Variants in UBR3 observed in about 807,000 individuals in gnomAD.
UBR3 encodes E3 ubiquitin-protein ligase UBR3.
A neutral mutation model predicts 243.2 loss-of-function variants in UBR3; 85 were observed. The ratio of observed to expected loss-of-function variants is 0.35; its 90% confidence interval spans 0.29 to 0.42. The LOEUF is 0.42. Among genes scored for constraint, UBR3 ranks in the 10% least tolerant of loss-of-function variants. UBR3 has a pLI of 1.00. For synonymous variants in UBR3, 748 were observed against 799.8 expected, an observed-to-expected ratio of 0.94 and a Z score of 1.09; for missense variants, 1,686 against 2,300.8, an observed-to-expected ratio of 0.73 and a Z score of 5.47.
chr2:170,001,147 ACTAT>A (rs1412048270), intron 26 of UBR3, among the ~76,000 whole-genome samples, 153 bp from the exon 27 acceptor site: 1 of 152,228 alleles, frequency 6.6e-6, no homozygotes, highest in Non-Finnish European at 1.5e-5. Flanking sequence ...GTGCCTGAAG[ACTAT>A]CTAGTCAGGC....
chr2:170,005,087 T>G (rs1211656163), intron 27 of UBR3, among the ~76,000 whole-genome samples: 4 of 145,706 alleles, frequency 2.7e-5, no homozygotes, highest in Admixed American at 2.1e-4. Flanking sequence ...AGCCGGGCGC[T>G]GTGGCGGGTG....
Position 170,007,671 on chromosome 2 carries a change from C to A in UBR3, c.4230+481C>A, listed in dbSNP as rs573614069. ...TTAAGGTCAGGAGTTTGAAACCAGC[C>A]TGACCAACATGGCAAAACCGCATCT... On this transcript the variant is annotated intron_variant, in intron 28 of 38. Transcript: ENST00000272793. 4.6e-5 allele frequency among the ~76,000 whole-genome samples: 7 copies of A among 152,266 alleles called. No homozygotes were observed. The South Asian group carries it at 1.5e-3, about 32-fold the overall frequency.
chr2:170,015,781 A>C (rs57654694), intron 30 of UBR3, among the ~76,000 whole-genome samples: 14,435 of 151,936 alleles, frequency 0.095, 833 homozygotes, highest in African/African-American at 0.16. Context: ...GTATATTAAA[A>C]TGTATTGAAA....
At chr2:169,856,384 G>A (rs904764497) in intron 1 of UBR3, among the ~76,000 whole-genome samples, 7 of 151,252 alleles carry the variant, frequency 4.6e-5, no homozygotes, top group Non-Finnish European at 1.0e-4. Flanking sequence ...TCACATCCCA[G>A]ACGATGGGCG....
intron 1 of UBR3, among the ~76,000 whole-genome samples, chr2:169,866,299 CT>C (rs2083262436): frequency 6.9e-6 from 1 of 145,204 alleles, no homozygotes; most frequent in Middle Eastern, 3.6e-3. Context: ...GGAAATACAG[CT>C]TTTAAAAAGT....
intron 5 of UBR3, among the ~76,000 whole-genome samples, chr2:169,882,000 T>G (rs1452929159): frequency 8.0e-6 from 1 of 125,266 alleles, no homozygotes; most frequent in Non-Finnish European, 1.6e-5. Flanking sequence ...TGTATATTTA[T>G]ATAATATATA....
At chr2:169,950,263 T>C (rs1450243589) in intron 23 of UBR3, among the ~76,000 whole-genome samples, 198 bp downstream of exon 23, 1 of 152,114 alleles carries the variant, frequency 6.6e-6, no homozygotes, top group Non-Finnish European at 1.5e-5. Flanking sequence ...CAGGTGAGAC[T>C]TTCTGACCCC....
chr2:169,867,729 C>T (rs930279412), intron 1 of UBR3, among the ~76,000 whole-genome samples: 2 of 152,164 alleles, frequency 1.3e-5, no homozygotes, highest in Non-Finnish European at 2.9e-5. Context: ...TGAAAATTTC[C>T]AAACACATGC....
In UBR3 at chr2:169,946,302, T is replaced by C; in HGVS notation, c.2820T>C (p.His940=). Residue 940 remains histidine, a synonymous_variant, in exon 21 of 39, where the codon CAT becomes CAC. Coordinates refer to ENST00000272793, the MANE Select transcript of UBR3 (RefSeq NM_172070.4). The stretch of plus-strand genomic sequence containing the variant: ...CCTTTTTAAAGATTTTGATGGATCA[T>C]CAAAATCTGTCAGAACATGTACTCT... The part of the protein sequence containing the change: ...FTLLYKILMD[H]QNLSEHVLCM... 6.7e-7 allele frequency: 1 copy of C among 1,493,116 alleles called. No individual in the cohort carries two copies. Among genetic ancestry groups the C allele is most frequent in the Non-Finnish European group, 8.9e-7 (1 of 1,122,124 alleles). 92.5% of individuals were successfully genotyped at this position (1,493,116 alleles called of 1,614,324 possible).
At chr2:169,876,618 C>T (rs1440257303) in intron 3 of UBR3, among the ~76,000 whole-genome samples, 3 of 151,454 alleles carry the variant, frequency 2.0e-5, no homozygotes, top group Non-Finnish European at 2.9e-5. Context: ...AGTGCAGTGG[C>T]GTGATCTCAG....
intron 10 of UBR3, among the ~76,000 whole-genome samples, chr2:169,908,526 A>C (rs942142766): frequency 1.3e-5 from 2 of 152,296 alleles, no homozygotes; most frequent in East Asian, 3.9e-4. Flanking sequence ...TAGATGCTTA[A>C]GTTTTTGGTA....
chr2:169,897,778 G>C (rs977355594), intron 8 of UBR3, among the ~76,000 whole-genome samples: 2 of 152,134 alleles, frequency 1.3e-5, no homozygotes, highest in African/African-American at 4.8e-5. Context: ...TGGGATTACA[G>C]GTATGAGACA....
chr2:169,992,691 A>G (rs573264238), intron 25 of UBR3, among the ~76,000 whole-genome samples: 6 of 152,312 alleles, frequency 3.9e-5, no homozygotes, highest in Non-Finnish European at 8.8e-5. Context: ...TCTGATGCAC[A>G]CATCATGACA....
intron 24 of UBR3, 61 bp from the exon 25 acceptor site, chr2:169,986,584 C>A: frequency 6.6e-7 from 1 of 1,509,532 alleles, no homozygotes; most frequent in Non-Finnish European, 9.0e-7. Flanking sequence ...TTCTCTCACA[C>A]TTTCATTGAA....
At chr2:169,933,046 T>G in intron 19 of UBR3, 38 bp downstream of exon 19, 3 of 1,415,608 alleles carry the variant, frequency 2.1e-6, no homozygotes, top group Non-Finnish European at 2.8e-6. Flanking sequence ...TAACAGTATT[T>G]TATATTTATA....
intron 27 of UBR3, among the ~76,000 whole-genome samples, chr2:170,002,737 G>A (rs2089758754): frequency 1.3e-5 from 2 of 152,018 alleles, no homozygotes; most frequent in South Asian, 2.1e-4. Flanking sequence ...CCCCTTCTCA[G>A]CTCATCAGGA....
chr2:169,911,542 G>T lies in UBR3; in HGVS notation c.1780-2518G>T, dbSNP rs577657082. Among the ~76,000 whole-genome samples the T allele has an allele frequency of 3.3e-5, 5 of 152,134 alleles. No individual in the cohort carries two copies. In the South Asian group the frequency reaches 8.3e-4, roughly 25 times the overall value. ...TTAGCATGCATACTGACTTTTTTGG[G>T]GGTTGAGGGGTGGTAGTAGTGGGAA... On this transcript the variant is annotated intron_variant, in intron 10 of 38. Transcript: ENST00000272793.
intron 33 of UBR3, among the ~76,000 whole-genome samples, chr2:170,059,663 G>A (rs1454911243): frequency 6.6e-6 from 1 of 152,080 alleles, no homozygotes; most frequent in Non-Finnish European, 1.5e-5. Flanking sequence ...ATTAGGTAAG[G>A]ATGGGGCAAG....
Position 169,936,517 on chromosome 2 carries a change from T to TTTA in UBR3, c.2663+3529_2663+3531dup, listed in dbSNP as rs74513911. Among the ~76,000 whole-genome samples, 336 of 151,144 alleles carry TTTA rather than the reference T, an allele frequency of 2.2e-3. 1 individual carries two copies. Among genetic ancestry groups the TTTA allele is most frequent in the South Asian group, 4.0e-3 (19 of 4,786 alleles). On this transcript the variant is annotated intron_variant, in intron 19 of 38. Transcript: ENST00000272793. ...TGTTTCCTCTAAGATGCGTTTTCTTTTTATTATTATTATTATTATTATACT... is the reference window on the plus strand; with the variant it reads ...TGTTTCCTCTAAGATGCGTTTTCTTTTTATTATTATTATTATTATTATTATACT...
Sources: gnomAD v4.1 joint callset for allele counts (sites outside exome capture counted in the v4.1 genomes callset) on GRCh38, gnomAD v4.1.1 for gene constraint, MANE v1.5 for transcripts, NCBI Gene and HGNC (gene_info 2026-07-23, HGNC 2026-07-21) for gene names.